NCOA1: variants seen among roughly 807,000 people sequenced by gnomAD.
The protein encoded by NCOA1 is nuclear receptor coactivator 1.
A neutral mutation model predicts 150.9 loss-of-function variants in NCOA1; 35 were observed. The ratio of observed to expected loss-of-function variants is 0.23; its 90% confidence interval spans 0.18 to 0.31. The LOEUF (loss-of-function observed/expected upper bound fraction) is 0.31, where lower values mean the gene tolerates loss of function less well. NCOA1 is among the 10% of genes least tolerant of loss of function. NCOA1 has a pLI of 1.00. For missense variants in NCOA1, 1,491 were observed against 1,749.3 expected (o/e 0.85, Z 2.63); for synonymous variants, 590 against 630.0 (o/e 0.94, Z 0.95).
intron 3 of NCOA1, among the ~76,000 whole-genome samples, chr2:24,587,351 A>C (rs55921704): frequency 6.6e-6 from 1 of 152,148 alleles, no homozygotes; most frequent in African/African-American, 2.4e-5. Flanking sequence ...TTCTTCTCCA[A>C]CGCACCTGAC....
At chr2:24,666,010 TA>T in intron 6 of NCOA1, 95 bp downstream of exon 6, 1 of 699,292 alleles carries the variant, frequency 1.4e-6, no homozygotes. Flanking sequence ...ATTATTATTT[TA>T]TTATTATTAT....
intron 20 of NCOA1, among the ~76,000 whole-genome samples, chr2:24,754,472 A>G (rs1389139566): frequency 6.6e-6 from 1 of 152,126 alleles, no homozygotes; most frequent in Non-Finnish European, 1.5e-5. Context: ...GGATGTTTGC[A>G]TTTTTTAATC....
rs193083535 is a variant in NCOA1 at position 24,768,882 on chromosome 2, G to A, written c.*491G>A. ...GCAGCCCTCCCCATCCCAATCCCAG[G>A]CAGCTTGTGTGTACAATCAGCTTCT... On this transcript the variant is annotated 3_prime_UTR_variant, in exon 23 of 23. Coordinates refer to ENST00000348332, the MANE Select transcript of NCOA1 (RefSeq NM_003743.5). 23 of 222,796 alleles carry A rather than the reference G, an allele frequency of 1.0e-4. No homozygotes were observed. Among genetic ancestry groups the A allele is most frequent in the Admixed American group, 5.7e-4 (10 of 17,394 alleles). The allele number at this position is 222,796 out of a possible 1,614,324, so 13.8% of individuals were successfully genotyped here. A position where few individuals can be genotyped will look rare whatever the true frequency, so the allele number is the denominator to read the frequency against.
At chr2:24,674,966 T>C (rs1458988405) in intron 7 of NCOA1, among the ~76,000 whole-genome samples, 1 of 152,248 alleles carries the variant, frequency 6.6e-6, no homozygotes, top group Non-Finnish European at 1.5e-5. Context: ...TGACACTTAC[T>C]GACCACTCAT....
At chr2:24,637,764 C>T (rs568142007) in intron 3 of NCOA1, among the ~76,000 whole-genome samples, 10 of 152,066 alleles carry the variant, frequency 6.6e-5, no homozygotes, top group African/African-American at 9.7e-5. Context: ...GGCATGATTT[C>T]GGCTCACCGC....
At chr2:24,709,854 G>C (rs1402551490) in intron 13 of NCOA1, among the ~76,000 whole-genome samples, 1 of 152,122 alleles carries the variant, frequency 6.6e-6, no homozygotes. Context: ...CAATAAAAAT[G>C]AATGAACTGC....
intron 3 of NCOA1, among the ~76,000 whole-genome samples, chr2:24,603,795 C>T (rs1668235208): frequency 6.6e-6 from 1 of 152,188 alleles, no homozygotes; most frequent in Admixed American, 6.5e-5. Flanking sequence ...ATTCCAGGCT[C>T]CTGTTAATGT....
chr2:24,743,815 C>T (rs1021504800), intron 19 of NCOA1, among the ~76,000 whole-genome samples: 3 of 152,168 alleles, frequency 2.0e-5, no homozygotes, highest in Non-Finnish European at 4.4e-5. Context: ...AGATTTATCT[C>T]ATGCATTAGG....
chr2:24,501,942 C>T (rs1663480302), intron 1 of NCOA1, among the ~76,000 whole-genome samples: 1 of 152,174 alleles, frequency 6.6e-6, no homozygotes, highest in Non-Finnish European at 1.5e-5. Flanking sequence ...GATGTCATTA[C>T]TCAAGCCCAC....
At chr2:24,739,213 T>C (rs1663480240) in intron 17 of NCOA1, among the ~76,000 whole-genome samples, 1 of 152,164 alleles carries the variant, frequency 6.6e-6, no homozygotes, top group African/African-American at 2.4e-5. Context: ...TGTGTTTGTA[T>C]CCTACTTTTA....
chr2:24,606,159 A>G (rs1338312290), intron 3 of NCOA1, among the ~76,000 whole-genome samples: 1 of 151,850 alleles, frequency 6.6e-6, no homozygotes, highest in African/African-American at 2.4e-5. Context: ...AACATTTGGG[A>G]TTTCTCTTTT....
At chr2:24,743,429 A>C (rs767423784) in intron 19 of NCOA1, among the ~76,000 whole-genome samples, 4 of 152,238 alleles carry the variant, frequency 2.6e-5, no homozygotes, top group Non-Finnish European at 5.9e-5. Context: ...CAGAACTCTA[A>C]AGAGATTTTA....
intron 3 of NCOA1, among the ~76,000 whole-genome samples, chr2:24,636,701 T>G (rs1432856283): frequency 6.6e-6 from 1 of 152,110 alleles, no homozygotes; most frequent in African/African-American, 2.4e-5. Context: ...CGCAGTATTA[T>G]GAGAACTTGC....
intron 1 of NCOA1, among the ~76,000 whole-genome samples, chr2:24,560,384 G>A (rs1167926866): frequency 6.6e-6 from 1 of 152,030 alleles, no homozygotes; most frequent in Non-Finnish European, 1.5e-5. Context: ...TGGTTGCCTT[G>A]TGACCTCCAC....
intron 1 of NCOA1, among the ~76,000 whole-genome samples, chr2:24,558,906 T>A (rs1335392016): frequency 6.6e-6 from 1 of 152,150 alleles, no homozygotes; most frequent in East Asian, 1.9e-4. Context: ...TCCTGCTGTA[T>A]GCTGTCTGCT....
At chr2:24,716,039 G>T (rs1337784440) in intron 14 of NCOA1, among the ~76,000 whole-genome samples, 1 of 151,718 alleles carries the variant, frequency 6.6e-6, no homozygotes, top group Non-Finnish European at 1.5e-5. Context: ...AGCTACTCGG[G>T]AGGCTGAGGC....
intron 1 of NCOA1, among the ~76,000 whole-genome samples, chr2:24,533,486 G>A (rs1664987185): frequency 6.6e-6 from 1 of 152,134 alleles, no homozygotes; most frequent in Admixed American, 6.5e-5. Flanking sequence ...ACACTATGTA[G>A]AATAGGAATG....
At chr2:24,493,294 T>A (rs572707870) in intron 1 of NCOA1, among the ~76,000 whole-genome samples, 1 of 152,062 alleles carries the variant, frequency 6.6e-6, no homozygotes, top group East Asian at 1.9e-4. Context: ...TATTTCTTCT[T>A]CAGACTCTAT....
Position 24,609,531 on chromosome 2 carries a change from T to C in NCOA1, c.-175+24971T>C, listed in dbSNP as rs1190366215. The stretch of plus-strand genomic sequence containing the variant: ...ACTCTGGAGGCTGAGACTAGGAGGA[T>C]TGTTGGAGCCCAGGAGTTAAAAGGC... On this transcript the variant is annotated intron_variant, in intron 3 of 22. Transcript: ENST00000348332. 2.0e-5 allele frequency among the ~76,000 whole-genome samples: 3 copies of C among 152,280 alleles called. No individual in the cohort carries two copies. The East Asian group carries it at 5.8e-4, about 29-fold the overall frequency.
Sources: allele counts gnomAD v4.1 joint callset (sites outside exome capture counted in the v4.1 genomes callset), GRCh38; gene constraint gnomAD v4.1.1; transcripts MANE v1.5; gene names NCBI Gene and HGNC (gene_info 2026-07-23, HGNC 2026-07-21).